Variants in CFDP1 observed in about 807,000 individuals in gnomAD.
CFDP1 encodes chromatin remodeling protein CFDP1.
A neutral mutation model predicts 40.1 loss-of-function variants in CFDP1; 31 were observed. The ratio of observed to expected loss-of-function variants is 0.77; its 90% CI spans 0.58 to 1.04. The LOEUF is 1.04. CFDP1 is among the 50% of genes least tolerant of loss of function. CFDP1 has a pLI of 0.00. For synonymous variants in CFDP1, 167 were observed against 120.0 expected, an observed-to-expected ratio of 1.39 and a Z score of -2.56; for missense variants, 423 against 343.4, an observed-to-expected ratio of 1.23 and a Z score of -1.83.
intron 4 of CFDP1, among the ~76,000 whole-genome samples, chr16:75,406,105 T>C (rs2151578092): frequency 6.6e-6 from 1 of 152,164 alleles, no homozygotes; most frequent in East Asian, 1.9e-4. Context: ...CCAGGTGCAG[T>C]GGCTCATACC....
intron 1 of CFDP1, chr16:75,418,984 T>G: frequency 3.5e-6 from 1 of 285,370 alleles, no homozygotes; most frequent in Non-Finnish European, 7.4e-6. Flanking sequence ...TATAAAAGAT[T>G]TTTAAAAAAT....
At chr16:75,407,628 G>A (rs1392561549) in intron 4 of CFDP1, among the ~76,000 whole-genome samples, 2 of 139,042 alleles carry the variant, frequency 1.4e-5, no homozygotes, top group African/African-American at 5.3e-5. Flanking sequence ...TGAGGCTAGC[G>A]TGAATGACAG....
intron 1 of CFDP1, among the ~76,000 whole-genome samples, chr16:75,429,802 TAG>T (rs2079388126): frequency 6.6e-6 from 1 of 152,188 alleles, no homozygotes; most frequent in Non-Finnish European, 1.5e-5. Context: ...TCTAAAAGTT[TAG>T]AGTCAAATTA....
intron 5 of CFDP1, among the ~76,000 whole-genome samples, chr16:75,341,982 T>C (rs1421384589): frequency 1.5e-4 from 23 of 152,234 alleles, no homozygotes. Flanking sequence ...CTTTCTCTTC[T>C]AAAACTCCAG....
chr16:75,300,241 G>C (rs1477233759), intron 6 of CFDP1, among the ~76,000 whole-genome samples: 1 of 152,096 alleles, frequency 6.6e-6, no homozygotes, highest in Non-Finnish European at 1.5e-5. Context: ...ACCATCAATT[G>C]GACTTGTGGG....
chr16:75,315,335 A>AG, intron 5 of CFDP1, among the ~76,000 whole-genome samples: 1 of 139,756 alleles, frequency 7.2e-6, no homozygotes, highest in East Asian at 2.0e-4. Flanking sequence ...CTATCTCAAA[A>AG]AAAAAAAAAA....
chr16:75,361,038 C>G (rs1597354174), intron 5 of CFDP1, among the ~76,000 whole-genome samples: 1 of 152,224 alleles, frequency 6.6e-6, no homozygotes, highest in African/African-American at 2.4e-5. Flanking sequence ...GAGGCAGGGT[C>G]TTACTCTATG....
intron 5 of CFDP1, among the ~76,000 whole-genome samples, chr16:75,353,914 T>C (rs1278435987): frequency 6.6e-6 from 1 of 152,118 alleles, no homozygotes. Context: ...TTTTACTGAA[T>C]CTCTGTTCTA....
chr16:75,405,507 G>A (rs559288013), intron 4 of CFDP1, among the ~76,000 whole-genome samples: 15 of 152,086 alleles, frequency 9.9e-5, no homozygotes, highest in African/African-American at 3.6e-4. Flanking sequence ...TAGCACTTTG[G>A]GAGGCTGAGG....
Position 75,327,863 on chromosome 16 carries a change from A to G in CFDP1, c.651-22681T>C, listed in dbSNP as rs150919147. On this transcript the variant is annotated intron_variant, in intron 5 of 6. Transcript: ENST00000283882. Reference sequence around the variant, plus strand: ...CTCAGCCTCCCGAATAGCTGGGATTACAGGTACCCGCCACCACACCTGGCT... The same window carrying G: ...CTCAGCCTCCCGAATAGCTGGGATTGCAGGTACCCGCCACCACACCTGGCT... Among the ~76,000 whole-genome samples, 479 of 152,216 alleles carry G rather than the reference A, an allele frequency of 3.1e-3. 1 individual carries two copies. The highest frequency in any genetic ancestry group is 0.011 in the African/African-American group (452 of 41,516).
intron 5 of CFDP1, among the ~76,000 whole-genome samples, chr16:75,390,224 C>G (rs976751513): frequency 3.3e-5 from 5 of 152,194 alleles, no homozygotes; most frequent in African/African-American, 1.2e-4. Flanking sequence ...CCACATGGCT[C>G]TCTGCTCTAG....
intron 2 of CFDP1, among the ~76,000 whole-genome samples, chr16:75,413,696 C>G (rs1014982742): frequency 6.6e-6 from 1 of 151,594 alleles, no homozygotes; most frequent in South Asian, 2.1e-4. Flanking sequence ...AAATGATAAT[C>G]TGCTTTTTGC....
chr16:75,389,941 A>C lies in CFDP1; in HGVS notation c.650+5149T>G, dbSNP rs182440395. ...AATGAGCATACCAACCTTGAAAGTC[A>C]TTCTGGATCTACTCAGAAATCCAAG... is the stretch of plus-strand genomic sequence containing the variant. On this transcript the variant is annotated intron_variant, in intron 5 of 6. Transcript: ENST00000283882. 3.9e-5 allele frequency among the ~76,000 whole-genome samples: 6 copies of C among 152,324 alleles called. No homozygotes were observed. In the South Asian group the frequency reaches 1.2e-3, roughly 32 times the overall value.
intron 1 of CFDP1, among the ~76,000 whole-genome samples, chr16:75,429,365 T>C (rs1281497078): frequency 6.6e-6 from 1 of 151,394 alleles, no homozygotes; most frequent in Non-Finnish European, 1.5e-5. Context: ...CTCATAAGAA[T>C]GTTCCTGACC....
intron 5 of CFDP1, among the ~76,000 whole-genome samples, chr16:75,364,688 A>G (rs545160298): frequency 1.4e-4 from 22 of 152,360 alleles, no homozygotes; most frequent in Non-Finnish European, 2.8e-4. Context: ...ATTGGAAAAT[A>G]TACTTATTTT....
rs534769130 is a variant in CFDP1, at chr16:75,328,599, T to TAAA, written c.651-23420_651-23418dup. On this transcript the variant is annotated intron_variant, in intron 5 of 6. Transcript: ENST00000283882. ...GGGCGACAAGAATGAAACTCTGTCTTAAAAAAAAAAAAAAAAAAAAAAAAC... is the reference window on the plus strand; with the variant it reads ...GGGCGACAAGAATGAAACTCTGTCTTAAAAAAAAAAAAAAAAAAAAAAAAAAAC... Among the ~76,000 whole-genome samples the TAAA allele has an allele frequency of 7.2e-4, 46 of 63,918 alleles. 1 individual carries two copies. The highest frequency in any genetic ancestry group is 2.5e-3 in the African/African-American group (37 of 14,836). 41.9% of individuals were successfully genotyped at this position (63,918 alleles called of 152,430 possible).
At chr16:75,358,947 A>G (rs1447987525) in intron 5 of CFDP1, among the ~76,000 whole-genome samples, 1 of 152,214 alleles carries the variant, frequency 6.6e-6, no homozygotes. Flanking sequence ...GCAGTTCTGA[A>G]ATGATTAATG....
chr16:75,337,806 T>C lies in CFDP1; in HGVS notation c.651-32624A>G, dbSNP rs1206741004. Among the ~76,000 whole-genome samples, 3 of 152,150 alleles carry C rather than the reference T, an allele frequency of 2.0e-5. No individual in the cohort carries two copies. In the South Asian group the frequency reaches 6.2e-4, roughly 32 times the overall value. On this transcript the variant is annotated intron_variant, in intron 5 of 6. Coordinates refer to ENST00000283882, the MANE Select transcript of CFDP1 (RefSeq NM_006324.3). ...ACCTCCCACCGGGCCCCTCCTCCAA[T>C]GCTGGGGATTATAATTGGACAAGAG...
chr16:75,371,103 G>C (rs1213560042), intron 5 of CFDP1, among the ~76,000 whole-genome samples: 4 of 152,070 alleles, frequency 2.6e-5, no homozygotes, highest in African/African-American at 9.7e-5. Flanking sequence ...TGTTCCGCAG[G>C]GTTTCTTAAC....
Sources: allele counts gnomAD v4.1 joint callset (sites outside exome capture counted in the v4.1 genomes callset), GRCh38; gene constraint gnomAD v4.1.1; transcripts MANE v1.5; gene names NCBI Gene and HGNC (gene_info 2026-07-23, HGNC 2026-07-21).